The following DYNC1I1 variants were observed in gnomAD, a reference collection of about 807,000 sequenced individuals.
The protein encoded by DYNC1I1 is cytoplasmic dynein 1 intermediate chain 1.
A neutral mutation model predicts 86.6 loss-of-function variants in DYNC1I1; 43 were observed. The observed-to-expected ratio is 0.50, with a 90% CI of 0.39 to 0.64. The LOEUF is 0.64. Among genes scored for constraint, DYNC1I1 ranks in the 30% least tolerant of loss-of-function variants. The probability of loss-of-function intolerance (pLI) is 0.00; values close to 1 mark genes in which losing one functional copy is unlikely to be tolerated. For missense variants in DYNC1I1, 604 were observed against 788.8 expected (o/e 0.77, Z 2.81); for synonymous variants, 262 against 283.7 (o/e 0.92, Z 0.77).
intron 5 of DYNC1I1, 92 bp downstream of exon 5, chr7:95,828,208 C>CT (rs1795245044): frequency 1.4e-6 from 2 of 1,424,294 alleles, no homozygotes; most frequent in Non-Finnish European, 2.0e-6. Flanking sequence ...GTGTTCTCCC[C>CT]TTTTGTTGAA....
chr7:95,829,961 A>G (rs968646477), intron 5 of DYNC1I1, among the ~76,000 whole-genome samples: 2 of 152,006 alleles, frequency 1.3e-5, no homozygotes, highest in African/African-American at 4.8e-5. Flanking sequence ...AGGTTGAAGG[A>G]CTATTTGCAT....
At chr7:95,857,968 T>C (rs1264830058) in intron 5 of DYNC1I1, among the ~76,000 whole-genome samples, 1 of 152,260 alleles carries the variant, frequency 6.6e-6, no homozygotes, top group Non-Finnish European at 1.5e-5. Flanking sequence ...GTGATCATTG[T>C]GGTCCTGAGA....
chr7:96,074,604 A>G (rs1239688093), intron 14 of DYNC1I1, among the ~76,000 whole-genome samples: 2 of 151,994 alleles, frequency 1.3e-5, no homozygotes, highest in East Asian at 3.8e-4. Flanking sequence ...GTGATTTTTA[A>G]ATGTCAAAGA....
At chr7:95,860,496 C>G (rs975559933) in intron 5 of DYNC1I1, among the ~76,000 whole-genome samples, 2 of 152,148 alleles carry the variant, frequency 1.3e-5, no homozygotes, top group Admixed American at 1.3e-4. Flanking sequence ...AGGAATAAAA[C>G]TTAATAAATA....
intron 6 of DYNC1I1, among the ~76,000 whole-genome samples, chr7:95,897,343 T>C (rs1790908579): frequency 6.6e-6 from 1 of 152,184 alleles, no homozygotes; most frequent in African/African-American, 2.4e-5. Flanking sequence ...AAAACTCTTT[T>C]GAAGGTAGGG....
intron 14 of DYNC1I1, among the ~76,000 whole-genome samples, chr7:96,046,951 C>G (rs1562984484): frequency 6.6e-6 from 1 of 152,058 alleles, no homozygotes; most frequent in South Asian, 2.1e-4. Flanking sequence ...TGTCTTAGTC[C>G]ATTCAGGGTT....
At chr7:95,891,256 C>T (rs1434249262) in intron 6 of DYNC1I1, among the ~76,000 whole-genome samples, 4 of 152,132 alleles carry the variant, frequency 2.6e-5, no homozygotes, top group East Asian at 3.8e-4. Context: ...AATATATTTC[C>T]GATGTTTGAT....
At chr7:95,910,195 T>A (rs1791295668) in intron 6 of DYNC1I1, among the ~76,000 whole-genome samples, 1 of 152,196 alleles carries the variant, frequency 6.6e-6, no homozygotes, top group African/African-American at 2.4e-5. Flanking sequence ...GAGTCCCTCC[T>A]AAGGCCTGTG....
At chr7:95,843,630 T>G (rs1033136183) in intron 5 of DYNC1I1, among the ~76,000 whole-genome samples, 3 of 152,174 alleles carry the variant, frequency 2.0e-5, no homozygotes, top group Non-Finnish European at 4.4e-5. Flanking sequence ...TTGATTCTGG[T>G]TTGTATGTTA....
intron 16 of DYNC1I1, among the ~76,000 whole-genome samples, chr7:96,095,217 T>TA (rs1373371650): frequency 6.6e-6 from 1 of 152,178 alleles, no homozygotes; most frequent in African/African-American, 2.4e-5. Context: ...TTATATAGTG[T>TA]AAATGAGACT....
At chr7:95,791,690 T>A (rs780030563) in intron 1 of DYNC1I1, among the ~76,000 whole-genome samples, 66 of 152,354 alleles carry the variant, frequency 4.3e-4, no homozygotes, top group Middle Eastern at 3.4e-3. Context: ...ATAGAGATTG[T>A]CAATTATAAA....
intron 1 of DYNC1I1, among the ~76,000 whole-genome samples, chr7:95,790,816 T>A (rs1429971585): frequency 6.6e-6 from 1 of 152,210 alleles, no homozygotes; most frequent in Non-Finnish European, 1.5e-5. Flanking sequence ...TGGGTTTGAA[T>A]CCTGGATCTT....
At chr7:95,944,604 G>A (rs1241905470) in intron 6 of DYNC1I1, among the ~76,000 whole-genome samples, 2 of 152,102 alleles carry the variant, frequency 1.3e-5, no homozygotes, top group Admixed American at 6.5e-5. Flanking sequence ...ATTCAGAATA[G>A]CAAAGACTTG....
chr7:96,033,487 G>A (rs181041993), intron 12 of DYNC1I1, among the ~76,000 whole-genome samples: 4 of 152,118 alleles, frequency 2.6e-5, no homozygotes, highest in Admixed American at 1.3e-4. Context: ...ATACACACAC[G>A]CTTTTTCCAT....
At chr7:96,009,299 A>T (rs982751980) in intron 10 of DYNC1I1, among the ~76,000 whole-genome samples, 3 of 152,242 alleles carry the variant, frequency 2.0e-5, no homozygotes, top group African/African-American at 7.2e-5. Context: ...TGACTCCAGC[A>T]CTCAAGCCCC....
intron 1 of DYNC1I1, among the ~76,000 whole-genome samples, chr7:95,783,774 A>G (rs1794057089): frequency 6.6e-6 from 1 of 152,148 alleles, no homozygotes; most frequent in African/African-American, 2.4e-5. Context: ...TAAAAGCATG[A>G]CCTCTGGAAA....
At chr7:95,777,093 T>C (rs1215328839) in intron 1 of DYNC1I1, among the ~76,000 whole-genome samples, 2 of 152,180 alleles carry the variant, frequency 1.3e-5, no homozygotes, top group Admixed American at 6.6e-5. Flanking sequence ...TATTGTTTAG[T>C]GTAGCTTTTT....
At chr7:95,931,270 C>T (rs954613656) in intron 6 of DYNC1I1, among the ~76,000 whole-genome samples, 3 of 151,900 alleles carry the variant, frequency 2.0e-5, no homozygotes, top group African/African-American at 4.8e-5. Flanking sequence ...GTGTCTCAGC[C>T]GCCTGAGTAG....
chr7:96,020,040 A>T (rs1422022106), intron 10 of DYNC1I1, among the ~76,000 whole-genome samples: 2 of 152,062 alleles, frequency 1.3e-5, no homozygotes, highest in African/African-American at 4.8e-5. Flanking sequence ...TTATAAAAAA[A>T]AAAATAAGGC....
Sources: gnomAD v4.1 joint callset for allele counts (sites outside exome capture counted in the v4.1 genomes callset) on GRCh38, gnomAD v4.1.1 for gene constraint, MANE v1.5 for transcripts, NCBI Gene and HGNC (gene_info 2026-07-23, HGNC 2026-07-21) for gene names.